Variants in LARP4B observed in about 807,000 individuals in gnomAD.
LARP4B encodes La ribonucleoprotein 4B, also known as la-related protein 4B.
A neutral mutation model predicts 89.8 loss-of-function variants in LARP4B; 12 were observed. The observed-to-expected ratio is 0.13, with a 90% CI of 0.09 to 0.22. The LOEUF is 0.22. LARP4B is among the 10% of genes least tolerant of loss of function. The probability of loss-of-function intolerance (pLI) is 1.00; values close to 1 mark genes in which losing one functional copy is unlikely to be tolerated. For missense variants in LARP4B, 757 were observed against 947.7 expected (o/e 0.80, Z 2.64); for synonymous variants, 367 against 363.3 (o/e 1.01, Z -0.12).
Position 883,569 on chromosome 10 carries a change from T to G in LARP4B, c.141+878A>C, listed in dbSNP as rs116546445. 1.9e-3 allele frequency among the ~76,000 whole-genome samples: 290 copies of G among 151,742 alleles called. 2 individuals are homozygous for G. Among genetic ancestry groups the G allele is most frequent in the African/African-American group, 6.8e-3 (282 of 41,482 alleles). ...CAATGTAAAACAGAATACATAAAAATTTTACATAAATAATATATTTATAAA... is the reference window on the plus strand; with the variant it reads ...CAATGTAAAACAGAATACATAAAAAGTTTACATAAATAATATATTTATAAA... On this transcript the variant is annotated intron_variant, in intron 3 of 17. Transcript: ENST00000316157.
intron 3 of LARP4B, among the ~76,000 whole-genome samples, chr10:883,575 A>G (rs1326754365): frequency 6.6e-6 from 1 of 151,568 alleles, no homozygotes; most frequent in Non-Finnish European, 1.5e-5. Flanking sequence ...AAAATTTTAC[A>G]TAAATAATAT....
chr10:885,988 T>TA (rs1835846344), intron 1 of LARP4B, among the ~76,000 whole-genome samples: 1 of 152,188 alleles, frequency 6.6e-6, no homozygotes, highest in African/African-American at 2.4e-5. Context: ...GGCCACACTC[T>TA]AAAACTTGGA....
chr10:871,085 T>G (rs1835177202), intron 3 of LARP4B, among the ~76,000 whole-genome samples: 1 of 152,236 alleles, frequency 6.6e-6, no homozygotes, highest in African/African-American at 2.4e-5. Flanking sequence ...AGAATCTGAC[T>G]TGACAGTCTC....
Position 909,150 on chromosome 10 carries a change from C to A in LARP4B, c.-40+22278G>T, listed in dbSNP as rs185829955. Among the ~76,000 whole-genome samples, 5 of 151,886 alleles carry A rather than the reference C, an allele frequency of 3.3e-5. No homozygotes were observed. In the South Asian group the frequency reaches 6.2e-4, roughly 19 times the overall value. ...TCTACTAACAATACAAAAAATTAGC[C>A]GGGCATGGTGGTGGGCACTTGTAGT... On this transcript the variant is annotated intron_variant, in intron 1 of 17. Coordinates refer to ENST00000316157, the MANE Select transcript of LARP4B (RefSeq NM_015155.3).
chr10:942,112 T>G, the LARP4B span: 2 of 152,206 alleles, frequency 1.3e-5, no homozygotes, highest in African/African-American at 4.8e-5. Flanking sequence ...TAATTTATAT[T>G]CCCTATGTTA....
chr10:864,961 A>G (rs1455629330), intron 3 of LARP4B, among the ~76,000 whole-genome samples: 1 of 152,210 alleles, frequency 6.6e-6, no homozygotes, highest in Non-Finnish European at 1.5e-5. Context: ...CTAAAACAAA[A>G]GAAAGAAAGA....
intron 5 of LARP4B, among the ~76,000 whole-genome samples, chr10:862,279 A>ACAAC (rs1554798768): frequency 7.1e-6 from 1 of 140,408 alleles, no homozygotes; most frequent in Non-Finnish European, 1.6e-5. Context: ...AAAAAAAAAA[A>ACAAC]AACAACCGTC....
chr10:871,694 G>A (rs1489023750), intron 3 of LARP4B, among the ~76,000 whole-genome samples: 1 of 152,100 alleles, frequency 6.6e-6, no homozygotes, highest in Non-Finnish European at 1.5e-5. Context: ...GCTTGGGGCT[G>A]CTTCTCTTGA....
At chr10:885,609 G>A (rs976971912) in intron 2 of LARP4B, 32 bp downstream of exon 2, 34 of 1,558,350 alleles carry the variant, frequency 2.2e-5, no homozygotes, top group Non-Finnish European at 2.8e-5. Flanking sequence ...AAAAGCAATG[G>A]ACTCCCCACC....
intron 3 of LARP4B, among the ~76,000 whole-genome samples, chr10:871,692 C>G (rs1018845816): frequency 6.6e-6 from 1 of 152,094 alleles, no homozygotes; most frequent in African/African-American, 2.4e-5. Context: ...TGGCTTGGGG[C>G]TGCTTCTCTT....
chr10:970,630 G>A, the LARP4B span, among the ~76,000 whole-genome samples: 1 of 152,192 alleles, frequency 6.6e-6, no homozygotes, highest in South Asian at 2.1e-4. Flanking sequence ...ATGGGTGACT[G>A]AATTCATTTG....
chr10:884,718 T>C (rs1835799169), intron 2 of LARP4B, among the ~76,000 whole-genome samples: 1 of 152,138 alleles, frequency 6.6e-6, no homozygotes. Context: ...GTAGATTCAA[T>C]GGGGAAAACT....
chr10:817,354 C>T (rs1564378463), intron 15 of LARP4B, among the ~76,000 whole-genome samples: 1 of 152,240 alleles, frequency 6.6e-6, no homozygotes, highest in East Asian at 1.9e-4. Flanking sequence ...GATTACTACA[C>T]ATTTTAATCA....
intron 7 of LARP4B, among the ~76,000 whole-genome samples, chr10:839,017 G>A (rs1318863094): frequency 6.6e-6 from 1 of 152,178 alleles, no homozygotes. Context: ...ATCTGAAGAG[G>A]CTACATCCTA....
intron 12 of LARP4B, 34 bp from the exon 13 acceptor site, chr10:825,350 TA>T (rs761550184): frequency 1.9e-5 from 30 of 1,604,482 alleles, no homozygotes; most frequent in Non-Finnish European, 2.5e-5. Context: ...TGTTGAGTTA[TA>T]AAATGATCAA....
intron 11 of LARP4B, among the ~76,000 whole-genome samples, chr10:828,375 C>T (rs1832730268): frequency 6.6e-6 from 1 of 152,222 alleles, no homozygotes; most frequent in Non-Finnish European, 1.5e-5. Flanking sequence ...ACACGTGTCT[C>T]CTTGGCATGT....
chr10:977,554 A>G, the LARP4B span, among the ~76,000 whole-genome samples: 2 of 152,006 alleles, frequency 1.3e-5, no homozygotes, highest in African/African-American at 4.8e-5. Flanking sequence ...CAGAAAAAAA[A>G]AAAAAAGAGA....
downstream of LARP4B, chr10:809,316 C>T (rs551571004): frequency 9.8e-5 from 15 of 152,380 alleles, no homozygotes; most frequent in Middle Eastern, 3.4e-3. Flanking sequence ...TAATGGCTGT[C>T]TCCGCATGAG....
chr10:975,827 G>A, the LARP4B span, among the ~76,000 whole-genome samples: 24 of 150,396 alleles, frequency 1.6e-4, no homozygotes, highest in South Asian at 1.1e-3. Context: ...AGCCTCTCGC[G>A]CAACGTGTGG....
Sources: allele counts gnomAD v4.1 joint callset (sites outside exome capture counted in the v4.1 genomes callset), GRCh38; gene constraint gnomAD v4.1.1; transcripts MANE v1.5; gene names NCBI Gene and HGNC (gene_info 2026-07-23, HGNC 2026-07-21).